PTPRK: variants seen among roughly 807,000 people sequenced by gnomAD.
PTPRK encodes protein tyrosine phosphatase receptor type K.
A neutral mutation model predicts 178.0 loss-of-function variants in PTPRK; 75 were observed. That is an observed-to-expected ratio of 0.42 (90% CI 0.35 to 0.51). PTPRK has a LOEUF of 0.51. PTPRK is among the 20% of genes least tolerant of loss of function. The pLI, the probability that PTPRK is intolerant of heterozygous loss-of-function variation, is 0.02. For missense variants in PTPRK, 1,441 were observed against 1,797.8 expected, an observed-to-expected ratio of 0.80 and a Z score of 3.59; for synonymous variants, 637 against 620.6, an observed-to-expected ratio of 1.03 and a Z score of -0.39.
intron 1 of PTPRK, among the ~76,000 whole-genome samples, chr6:128,516,288 T>C (rs1167138592): frequency 6.6e-6 from 1 of 151,914 alleles, no homozygotes; most frequent in Non-Finnish European, 1.5e-5. Flanking sequence ...CATGCCAATG[T>C]CCAAACAGCA....
intron 3 of PTPRK, among the ~76,000 whole-genome samples, chr6:128,278,046 C>A (rs756768296): frequency 9.2e-5 from 14 of 152,026 alleles, no homozygotes; most frequent in Non-Finnish European, 1.9e-4. Context: ...TAAATGAATA[C>A]TTTCTGGCTC....
chr6:128,446,355 C>G (rs960240943), intron 1 of PTPRK, among the ~76,000 whole-genome samples: 9 of 152,070 alleles, frequency 5.9e-5, no homozygotes, highest in Admixed American at 4.6e-4. Flanking sequence ...GTAATCAGAC[C>G]TACTGTGTCA....
At position 128,307,986 on chromosome 6, in the gene PTPRK, T is replaced by A. The variant is rs575604432; in HGVS notation, c.495+14053A>T. 2.6e-5 allele frequency among the ~76,000 whole-genome samples: 4 copies of A among 152,270 alleles called. No homozygotes were observed. In the East Asian group the frequency reaches 5.8e-4, roughly 22 times the overall value. ...ACATGAATGCTCATAACAACATTTT[T>A]AAAAATATTACCACTAGAAAACCAG... On this transcript the variant is annotated intron_variant, in intron 3 of 29. Coordinates refer to ENST00000368226, the MANE Select transcript of PTPRK (RefSeq NM_002844.4).
Position 128,154,913 on chromosome 6 carries a change from G to A in PTPRK, c.1162+29519C>T, listed in dbSNP as rs143950215. On this transcript the variant is annotated intron_variant, in intron 7 of 29. Coordinates refer to ENST00000368226, the MANE Select transcript of PTPRK (RefSeq NM_002844.4). Reference sequence around the variant, plus strand: ...CCTAGATTCATTAACTATATTAGTTGATTTGTTCAAATTTGGATCTGAATA... The same window carrying A: ...CCTAGATTCATTAACTATATTAGTTAATTTGTTCAAATTTGGATCTGAATA... 5.2e-3 allele frequency among the ~76,000 whole-genome samples: 792 copies of A among 151,756 alleles called. 7 individuals are homozygous for A. Among genetic ancestry groups the A allele is most frequent in the Non-Finnish European group, 8.5e-3 (577 of 67,718 alleles).
intron 2 of PTPRK, among the ~76,000 whole-genome samples, chr6:128,342,917 T>A (rs1315499893): frequency 6.6e-6 from 1 of 151,642 alleles, no homozygotes; most frequent in African/African-American, 2.4e-5. Flanking sequence ...CAAGGCCTCA[T>A]TTCTAAAAAA....
intron 6 of PTPRK, among the ~76,000 whole-genome samples, chr6:128,192,887 A>G: frequency 1.5e-5 from 2 of 137,586 alleles, no homozygotes; most frequent in African/African-American, 2.7e-5. Flanking sequence ...GAGGAGAGGG[A>G]GGAAGGGAGG....
chr6:128,154,204 T>C (rs951100334), intron 7 of PTPRK, among the ~76,000 whole-genome samples: 1 of 151,704 alleles, frequency 6.6e-6, no homozygotes, highest in African/African-American at 2.4e-5. Flanking sequence ...ATAATTGATA[T>C]ATATTAATAA....
chr6:127,983,470 C>A, intron 22 of PTPRK, 93 bp from the exon 23 acceptor site: 2 of 1,374,834 alleles, frequency 1.5e-6, no homozygotes, highest in South Asian at 1.4e-5. Flanking sequence ...TAGGTAGAAT[C>A]AAATTGATTT....
At chr6:128,446,286 G>A (rs1847014167) in intron 1 of PTPRK, among the ~76,000 whole-genome samples, 1 of 152,160 alleles carries the variant, frequency 6.6e-6, no homozygotes, top group Non-Finnish European at 1.5e-5. Context: ...TAGAAGCCAC[G>A]GGGGAAGTAA....
intron 7 of PTPRK, among the ~76,000 whole-genome samples, chr6:128,167,836 C>T (rs890408990): frequency 6.6e-6 from 1 of 152,014 alleles, no homozygotes; most frequent in African/African-American, 2.4e-5. Context: ...TACATGCCTT[C>T]CTCAAATTCA....
At chr6:128,432,398 C>T (rs919511391) in intron 1 of PTPRK, among the ~76,000 whole-genome samples, 69 of 152,316 alleles carry the variant, frequency 4.5e-4, no homozygotes, top group African/African-American at 1.6e-3. Flanking sequence ...TCCTAGGAGA[C>T]AATGGCTAAA....
chr6:128,125,929 A>T (rs1303702525), intron 7 of PTPRK, among the ~76,000 whole-genome samples: 1 of 152,044 alleles, frequency 6.6e-6, no homozygotes, highest in Non-Finnish European at 1.5e-5. Context: ...TTTAAAAAAT[A>T]GTTATATTAT....
At chr6:128,392,869 G>A (rs1339412107) in intron 2 of PTPRK, among the ~76,000 whole-genome samples, 2 of 152,122 alleles carry the variant, frequency 1.3e-5, no homozygotes, top group East Asian at 1.9e-4. Context: ...TAATAATTAT[G>A]TAAGGGTCTA....
At chr6:128,138,129 C>T (rs926625037) in intron 7 of PTPRK, among the ~76,000 whole-genome samples, 1 of 151,800 alleles carries the variant, frequency 6.6e-6, no homozygotes. Context: ...TACCTGGTCC[C>T]GAAATTAAAG....
rs188409788 is a variant in PTPRK at position 128,022,539 on chromosome 6, G to A, written c.2195-13271C>T. On this transcript the variant is annotated intron_variant, in intron 13 of 29. Coordinates refer to ENST00000368226, the MANE Select transcript of PTPRK (RefSeq NM_002844.4). ...GAGAGTTTTGAATTCCTAAAAGCCA[G>A]TTTCTATGCACCTCACTCCAAATGA... 4.5e-4 allele frequency among the ~76,000 whole-genome samples: 68 copies of A among 152,258 alleles called. No homozygotes were observed. In the East Asian group the frequency reaches 0.013, roughly 29 times the overall value.
At chr6:128,288,458 T>G (rs1289579614) in intron 3 of PTPRK, among the ~76,000 whole-genome samples, 2 of 152,176 alleles carry the variant, frequency 1.3e-5, no homozygotes, top group Non-Finnish European at 2.9e-5. Context: ...ATAATCATTT[T>G]CAATTTGTGT....
At chr6:128,297,852 G>A (rs1358678142) in intron 3 of PTPRK, among the ~76,000 whole-genome samples, 8 of 151,896 alleles carry the variant, frequency 5.3e-5, no homozygotes, top group East Asian at 1.9e-4. Context: ...AAAAGCTAGC[G>A]GAAGGCAAGA....
intron 2 of PTPRK, among the ~76,000 whole-genome samples, chr6:128,373,678 G>C (rs889648002): frequency 6.6e-6 from 1 of 152,094 alleles, no homozygotes; most frequent in Non-Finnish European, 1.5e-5. Flanking sequence ...ATTACAAAGT[G>C]CTAAAGGTAA....
intron 3 of PTPRK, among the ~76,000 whole-genome samples, chr6:128,251,318 T>A (rs1156547697): frequency 6.6e-6 from 1 of 152,204 alleles, no homozygotes; most frequent in African/African-American, 2.4e-5. Context: ...GGGGTTCTAA[T>A]TATATGCCAA....
Sources: gnomAD v4.1 joint callset for allele counts (sites outside exome capture counted in the v4.1 genomes callset) on GRCh38, gnomAD v4.1.1 for gene constraint, MANE v1.5 for transcripts, NCBI Gene and HGNC (gene_info 2026-07-23, HGNC 2026-07-21) for gene names.